WHRN: variants seen among roughly 807,000 people sequenced by gnomAD.
WHRN encodes CASK-interacting protein CIP98.
In WHRN, 41 loss-of-function variants were observed where a neutral mutation model predicts 68.3. That is an observed-to-expected ratio of 0.60 (90% CI 0.47 to 0.78). WHRN has a LOEUF of 0.78. WHRN is among the 30% of genes least tolerant of loss of function. The pLI is 0.00. For missense variants in WHRN, 1,243 were observed against 1,244.7 expected (o/e 1.00, Z 0.02); for synonymous variants, 560 against 561.3 (o/e 1.00, Z 0.03).
chr9:114,437,164 T>C (rs2132536721), intron 3 of WHRN, among the ~76,000 whole-genome samples: 1 of 152,232 alleles, frequency 6.6e-6, no homozygotes, highest in East Asian at 1.9e-4. Context: ...TACAAATCAC[T>C]GTGACAAAGA....
rs138918932 is a variant in WHRN, at chr9:114,444,828, G to A, written c.964-18415C>T. On this transcript the variant is annotated intron_variant, in intron 3 of 11. Coordinates refer to ENST00000362057, the MANE Select transcript of WHRN (RefSeq NM_015404.4). Reference sequence around the variant, plus strand: ...TATATATGCACACCTCTACTGGCAGGATAAATGCTAAAATGTTATGGAAGG... The same window carrying A: ...TATATATGCACACCTCTACTGGCAGAATAAATGCTAAAATGTTATGGAAGG... Among the ~76,000 whole-genome samples the A allele has an allele frequency of 4.3e-3, 650 of 151,624 alleles. 3 individuals carry two copies. The highest frequency in any genetic ancestry group is 0.015 in the African/African-American group (616 of 41,274).
intron 3 of WHRN, among the ~76,000 whole-genome samples, chr9:114,442,434 T>G (rs766272047): frequency 1.2e-4 from 18 of 152,190 alleles, no homozygotes; most frequent in Non-Finnish European, 2.1e-4. Flanking sequence ...CTCCAATGCT[T>G]TAGACGGGAG....
intron 1 of WHRN, among the ~76,000 whole-genome samples, chr9:114,486,908 AGT>A (rs141910825): frequency 0.01 from 352 of 34,076 alleles, 13 homozygotes; most frequent in Admixed American, 0.019. Flanking sequence ...GTGTGTGTAG[AGT>A]GTGTGTGTGT....
chr9:114,488,599 A>C (rs2133269466), intron 1 of WHRN, among the ~76,000 whole-genome samples: 1 of 152,214 alleles, frequency 6.6e-6, no homozygotes, highest in South Asian at 2.1e-4. Context: ...AAACAAAAGA[A>C]AGTCCCTTAG....
At chr9:114,407,164 T>C (rs1445575681) in intron 8 of WHRN, among the ~76,000 whole-genome samples, 1 of 152,220 alleles carries the variant, frequency 6.6e-6, no homozygotes, top group African/African-American at 2.4e-5. Context: ...CCAGAGCTTG[T>C]CACAGGGAAC....
intron 3 of WHRN, among the ~76,000 whole-genome samples, chr9:114,455,188 G>GA (rs1839675069): frequency 6.6e-6 from 1 of 150,712 alleles, no homozygotes. Flanking sequence ...TTATTAAAAT[G>GA]AAAAATTCTT....
intron 1 of WHRN, among the ~76,000 whole-genome samples, chr9:114,500,994 T>G (rs1008860520): frequency 1.3e-5 from 2 of 152,156 alleles, no homozygotes; most frequent in African/African-American, 4.8e-5. Flanking sequence ...AGATTAGACA[T>G]TCTAAATGCC....
At chr9:114,455,201 T>G (rs540643076) in intron 3 of WHRN, among the ~76,000 whole-genome samples, 171 of 138,562 alleles carry the variant, frequency 1.2e-3, no homozygotes, top group African/African-American at 4.5e-3. Context: ...AAATTCTTGC[T>G]CTGCAAAAGA....
At chr9:114,466,773 C>T (rs929205274) in intron 2 of WHRN, among the ~76,000 whole-genome samples, 5 of 152,098 alleles carry the variant, frequency 3.3e-5, no homozygotes, top group East Asian at 1.9e-4. Context: ...TGACTGTTCG[C>T]GCCCCGGGGT....
rs758578909 is a variant in WHRN, at chr9:114,423,300, CAGA to C, written c.1626+11_1626+13del. ...CCTGGCTACTAAGCCAGGGACAAGG[CAGA>C]AGAAGCTCACCCTGGCCGAGCTGAC... On this transcript the variant is annotated intron_variant, in intron 7 of 11. Transcript: ENST00000362057. 6.2e-7 allele frequency: 1 copy of C among 1,613,656 alleles called. No individual in the cohort carries two copies. Among genetic ancestry groups the C allele is most frequent in the African/African-American group, 1.3e-5 (1 of 75,022 alleles).
chr9:114,430,091 T>C (rs16929059), intron 3 of WHRN, among the ~76,000 whole-genome samples: 4,435 of 152,324 alleles, frequency 0.029, 206 homozygotes, highest in African/African-American at 0.1. Context: ...ACACACTTTA[T>C]ATCATCCCTG....
chr9:114,433,367 G>A (rs1364750350), intron 3 of WHRN, among the ~76,000 whole-genome samples: 4 of 152,224 alleles, frequency 2.6e-5, no homozygotes, highest in Non-Finnish European at 2.9e-5. Context: ...CTCAGGCCGC[G>A]CGTGCACCTG....
At chr9:114,500,487 G>A (rs2133424766) in intron 1 of WHRN, among the ~76,000 whole-genome samples, 1 of 151,972 alleles carries the variant, frequency 6.6e-6, no homozygotes, top group South Asian at 2.1e-4. Context: ...AGGGAGGGAG[G>A]GTGCAATCAC....
intron 1 of WHRN, among the ~76,000 whole-genome samples, chr9:114,481,461 G>C (rs959990846): frequency 6.6e-6 from 1 of 152,224 alleles, no homozygotes; most frequent in Non-Finnish European, 1.5e-5. Context: ...AGGCAGGATG[G>C]AGAAAGCCTG....
In WHRN at chr9:114,478,655, G is replaced by A. The variant is rs1418229557; in HGVS notation, c.735C>T (p.Ser245=). ...GGGGCTGGGGCAGGCCCGAGGGTGG[G>A]GAGATGCTGCGGCCCTGCGGGTCCA... The part of the protein sequence containing the change: ...TWVDPQGRSI[S]PPSGLPQPHG... The change falls in exon 2 of 12, where the codon TCC becomes TCT. Residue 245 remains serine, a synonymous_variant. Transcript: ENST00000362057. 1.9e-6 allele frequency: 3 copies of A among 1,613,552 alleles called. No homozygotes were observed. The highest frequency in any genetic ancestry group is 2.5e-6 in the Non-Finnish European group (3 of 1,179,976).
intron 3 of WHRN, among the ~76,000 whole-genome samples, chr9:114,463,597 C>G (rs1219559112): frequency 6.6e-6 from 1 of 152,092 alleles, no homozygotes; most frequent in African/African-American, 2.4e-5. Context: ...GACAAATATA[C>G]CACGGTTATA....
At chr9:114,469,701 G>A (rs1338817426) in intron 2 of WHRN, among the ~76,000 whole-genome samples, 1 of 152,250 alleles carries the variant, frequency 6.6e-6, no homozygotes, top group Non-Finnish European at 1.5e-5. Flanking sequence ...TCCTTTGCCA[G>A]TGTTGACCCC....
rs886063373 is a variant in WHRN, at chr9:114,426,363, T to C, written c.1014A>G (p.Leu338=). 3.7e-6 allele frequency: 6 copies of C among 1,614,116 alleles called. No individual in the cohort carries two copies. Among genetic ancestry groups the C allele is most frequent in the Middle Eastern group, 3.3e-4 (2 of 6,020 alleles). ...EVNGRSFLNI[L]HDEAVRLLKS... is the part of the protein sequence containing the mutation. ...TAAGCAGCCTGACAGCCTCGTCGTG[T>C]AGGATGTTGAGAAAGCTCCGCCCAT... Residue 338 remains leucine, a synonymous_variant, in exon 4 of 12, where the codon CTA becomes CTG. Transcript: ENST00000362057.
intron 3 of WHRN, among the ~76,000 whole-genome samples, chr9:114,448,474 C>T (rs1490288187): frequency 6.6e-6 from 1 of 152,152 alleles, no homozygotes; most frequent in Non-Finnish European, 1.5e-5. Flanking sequence ...AGGACACTCA[C>T]ATAGAAAGAA....
Sources: gnomAD v4.1 joint callset for allele counts (sites outside exome capture counted in the v4.1 genomes callset) on GRCh38, gnomAD v4.1.1 for gene constraint, MANE v1.5 for transcripts, NCBI Gene and HGNC (gene_info 2026-07-23, HGNC 2026-07-21) for gene names.